ADAMTS3: variants seen among roughly 807,000 people sequenced by gnomAD.
ADAMTS3 encodes the protein A disintegrin and metalloproteinase with thrombospondin motifs 3.
A neutral mutation model predicts 129.0 loss-of-function variants in ADAMTS3; 73 were observed. The ratio of observed to expected loss-of-function variants is 0.57; its 90% confidence interval spans 0.47 to 0.69. ADAMTS3 has a LOEUF of 0.69. ADAMTS3 is among the 30% of genes least tolerant of loss of function. ADAMTS3 has a pLI of 0.00. For synonymous variants in ADAMTS3, 477 were observed against 510.8 expected, an observed-to-expected ratio of 0.93 and a Z score of 0.89; for missense variants, 1,457 against 1,514.5, an observed-to-expected ratio of 0.96 and a Z score of 0.63.
intron 2 of ADAMTS3, among the ~76,000 whole-genome samples, chr4:72,563,381 C>A (rs943636486): frequency 1.3e-5 from 2 of 152,106 alleles, no homozygotes; most frequent in African/African-American, 4.8e-5. Flanking sequence ...TCCCCCTAAA[C>A]CTCCTTCACC....
rs1005548724 is a variant in ADAMTS3 at position 72,465,907 on chromosome 4, T to C, written c.505-50936A>G. On this transcript the variant is annotated intron_variant, in intron 3 of 21. Transcript: ENST00000286657. The stretch of plus-strand genomic sequence containing the variant: ...GCACAAGTTCTCTTGTCTGCCACCA[T>C]GTAAGATGTGACTTTGCTCCTCATT... Among the ~76,000 whole-genome samples, 34 of 152,120 alleles carry C rather than the reference T, an allele frequency of 2.2e-4. 1 individual carries two copies. Among genetic ancestry groups the C allele is most frequent in the African/African-American group, 6.3e-4 (26 of 41,550 alleles).
intron 4 of ADAMTS3, among the ~76,000 whole-genome samples, chr4:72,348,574 C>T (rs946790860): frequency 6.6e-6 from 1 of 152,000 alleles, no homozygotes; most frequent in East Asian, 1.9e-4. Context: ...GGTATCATTC[C>T]TACGATTATG....
At chr4:72,510,381 C>A (rs1720280663) in intron 3 of ADAMTS3, among the ~76,000 whole-genome samples, 1 of 152,006 alleles carries the variant, frequency 6.6e-6, no homozygotes. Flanking sequence ...AACCTAAACA[C>A]TCCACCAAAA....
In ADAMTS3 at chr4:72,469,717, CCTCCT is replaced by C. The variant is rs377614095; in HGVS notation, c.505-54751_505-54747del. 2.0e-3 allele frequency among the ~76,000 whole-genome samples: 306 copies of C among 152,204 alleles called. 1 individual carries two copies. The highest frequency in any genetic ancestry group is 6.9e-3 in the African/African-American group (288 of 41,542). Reference sequence around the variant, plus strand: ...AGCAAGACCAACCCCTCCTCCTCCGCCTCCTCTCCCTTAGCCTATTCACTGTGAGG... The same window carrying C: ...AGCAAGACCAACCCCTCCTCCTCCGCCTCCCTTAGCCTATTCACTGTGAGG... On this transcript the variant is annotated intron_variant, in intron 3 of 21. Transcript: ENST00000286657.
chr4:72,283,204 T>C lies in ADAMTS3; in HGVS notation c.3550A>G (p.Thr1184Ala), dbSNP rs776000069. The C allele has an allele frequency of 6.2e-6, 10 of 1,613,946 alleles. No homozygotes were observed. The South Asian group carries it at 1.1e-4, about 18-fold the overall frequency. ...DSIGASSQAR[T>A]SKKDGKIIDN... is the part of the protein sequence containing the mutation. ...ATGATCTTTCCATCTTTCTTTGAGG[T>C]TCTTGCCTGAGAAGAAGCACCTATT... The change falls in exon 22 of 22, where the codon ACC becomes GCC. Residue 1184 changes from threonine (T) to alanine (A), a missense_variant. Physicochemically the swap from Thr to Ala is moderately conservative, Grantham distance 58. Coordinates refer to ENST00000286657, the MANE Select transcript of ADAMTS3 (RefSeq NM_014243.3).
intron 4 of ADAMTS3, among the ~76,000 whole-genome samples, chr4:72,404,218 C>A (rs1721995517): frequency 2.6e-5 from 4 of 152,028 alleles, no homozygotes; most frequent in Non-Finnish European, 5.9e-5. Flanking sequence ...CCAAAATAAT[C>A]TTTACAACAA....
chr4:72,506,970 C>G (rs1409801244), intron 3 of ADAMTS3, among the ~76,000 whole-genome samples: 2 of 152,168 alleles, frequency 1.3e-5, no homozygotes, highest in Non-Finnish European at 2.9e-5. Context: ...CTCTAATCCA[C>G]CTTCTTCTAA....
intron 17 of ADAMTS3, 119 bp from the exon 18 acceptor site, chr4:72,298,561 A>G: frequency 1.4e-6 from 1 of 729,332 alleles, no homozygotes; most frequent in Non-Finnish European, 2.1e-6. Context: ...AATAGTTTCA[A>G]AAATTATAAT....
chr4:72,394,048 A>G (rs915600076), intron 4 of ADAMTS3, among the ~76,000 whole-genome samples: 2 of 152,214 alleles, frequency 1.3e-5, no homozygotes, highest in African/African-American at 4.8e-5. Flanking sequence ...CAGATTAAAG[A>G]GTGGATTACT....
At chr4:72,293,141 A>G (rs1718719445) in intron 19 of ADAMTS3, among the ~76,000 whole-genome samples, 1 of 152,200 alleles carries the variant, frequency 6.6e-6, no homozygotes, top group Non-Finnish European at 1.5e-5. Context: ...ATGAAGTCCA[A>G]CTCAGCAGTA....
intron 3 of ADAMTS3, among the ~76,000 whole-genome samples, chr4:72,519,646 T>C (rs888188113): frequency 1.3e-5 from 2 of 152,250 alleles, no homozygotes; most frequent in African/African-American, 4.8e-5. Flanking sequence ...CTGAGGCTTC[T>C]GCATTCTTCA....
At position 72,283,467 on chromosome 4, in the gene ADAMTS3, G is replaced by A. The variant is rs771924405; in HGVS notation, c.3287C>T (p.Thr1096Ile). Reference protein sequence around the residue: ...PTSLVPYHSETPAKKMSLSSI... With the variant: ...PTSLVPYHSEIPAKKMSLSSI... ...ACTCAAAGACATCTTCTTTGCAGGGGTCTCTGAATGATAAGGAACCAAAGA... is the reference window on the plus strand; with the variant it reads ...ACTCAAAGACATCTTCTTTGCAGGGATCTCTGAATGATAAGGAACCAAAGA... The change falls in exon 22 of 22, where the codon ACC (threonine) becomes ATC (isoleucine). Residue 1096 changes from threonine to isoleucine, a missense_variant. By Grantham distance (89) the Thr-to-Ile change is moderately conservative (BLOSUM62 -1). Transcript: ENST00000286657. 2 of 1,614,062 alleles carry A rather than the reference G, an allele frequency of 1.2e-6. No homozygotes were observed. Among genetic ancestry groups the A allele is most frequent in the East Asian group, 2.2e-5 (1 of 44,842 alleles).
At chr4:72,283,772 T>A in intron 21 of ADAMTS3, 68 bp from the exon 22 acceptor site, 1 of 1,353,216 alleles carries the variant, frequency 7.4e-7, no homozygotes, top group Non-Finnish European at 9.8e-7. Flanking sequence ...GGAAAAAAAT[T>A]AAAATTTTTA....
chr4:72,293,088 G>A (rs929844203), intron 19 of ADAMTS3, among the ~76,000 whole-genome samples: 2 of 152,166 alleles, frequency 1.3e-5, no homozygotes, highest in Admixed American at 1.3e-4. Flanking sequence ...GAACCTAGAA[G>A]ACAGATGGAC....
chr4:72,524,818 A>G (rs1720767413), intron 3 of ADAMTS3, among the ~76,000 whole-genome samples: 1 of 152,186 alleles, frequency 6.6e-6, no homozygotes, highest in African/African-American at 2.4e-5. Context: ...ATAATTTTAT[A>G]TTGCCAAACC....
chr4:72,294,750 T>C (rs1025375443), intron 19 of ADAMTS3, among the ~76,000 whole-genome samples: 3 of 152,082 alleles, frequency 2.0e-5, no homozygotes, highest in African/African-American at 7.2e-5. Context: ...AGAATCAGAA[T>C]GGCAACTGAC....
intron 4 of ADAMTS3, among the ~76,000 whole-genome samples, chr4:72,399,119 T>TAA (rs2109903760): frequency 6.6e-6 from 1 of 152,310 alleles, no homozygotes; most frequent in East Asian, 1.9e-4. Flanking sequence ...ATTATCTAAT[T>TAA]AAAAATGTGG....
chr4:72,504,961 T>C (rs1167238045), intron 3 of ADAMTS3, among the ~76,000 whole-genome samples: 1 of 152,208 alleles, frequency 6.6e-6, no homozygotes, highest in African/African-American at 2.4e-5. Context: ...TCATTTCCCA[T>C]ATTGCTTTAG....
At chr4:72,498,925 T>C (rs1719939359) in intron 3 of ADAMTS3, among the ~76,000 whole-genome samples, 1 of 152,108 alleles carries the variant, frequency 6.6e-6, no homozygotes, top group Non-Finnish European at 1.5e-5. Flanking sequence ...CTGACACTAT[T>C]TATAAGCTAA....
Sources: allele counts gnomAD v4.1 joint callset (sites outside exome capture counted in the v4.1 genomes callset), GRCh38; gene constraint gnomAD v4.1.1; transcripts MANE v1.5; gene names NCBI Gene and HGNC (gene_info 2026-07-23, HGNC 2026-07-21).